Variants in ESS2 observed in about 807,000 individuals in gnomAD.
The protein encoded by ESS2 is splicing factor ESS-2 homolog.
Under a neutral mutation model 52.0 loss-of-function variants are expected in ESS2, and 31 were observed. The ratio of observed to expected loss-of-function variants is 0.60; its 90% CI spans 0.45 to 0.81. The LOEUF is 0.81. ESS2 is among the 30% of genes least tolerant of loss of function. ESS2 has a pLI of 0.00. For synonymous variants in ESS2, 285 were observed against 259.2 expected (o/e 1.10, Z -0.95); for missense variants, 602 against 637.2 (o/e 0.94, Z 0.59).
At chr22:19,137,758 T>C (rs1391447789) in intron 7 of ESS2, 1 of 985,266 alleles carries the variant, frequency 1.0e-6, no homozygotes, top group African/African-American at 1.7e-5. Flanking sequence ...GGCAAACCTG[T>C]GGTGCCTTCA....
In ESS2 at chr22:19,131,641, C is replaced by T. The variant is rs757072974; in HGVS notation, c.*2555G>A. ...ATCAAGACTTACGAGATCTTTGAGACCTCTGACGGACGGATCTACATCATC... is the reference window on the plus strand; with the variant it reads ...ATCAAGACTTACGAGATCTTTGAGATCTCTGACGGACGGATCTACATCATC... On this transcript the variant is annotated 3_prime_UTR_variant, in exon 10 of 10. Coordinates refer to ENST00000252137, the MANE Select transcript of ESS2 (RefSeq NM_022719.3). This position sits in a 1 kb window ranked among gnomAD's most constrained non-coding sequence, Gnocchi z 5.7. The T allele has an allele frequency of 6.2e-7, 1 of 1,614,096 alleles. No individual in the cohort carries two copies. Among genetic ancestry groups the T allele is most frequent in the Admixed American group, 1.7e-5 (1 of 60,010 alleles).
chr22:19,139,227 G>A lies in ESS2; in HGVS notation c.754C>T (p.Leu252Phe), dbSNP rs566826089. 6.2e-7 allele frequency: 1 copy of A among 1,608,932 alleles called. No homozygotes were observed. Among genetic ancestry groups the A allele is most frequent in the Admixed American group, 1.7e-5 (1 of 59,450 alleles). ...AGGGCTTGGCTGAAGGGGTCCCTAA[G>A]GAAGCGCGTGTTCTTATGTACCACC... ...RQVVHKNTRF[L>F]RDPFSQALSR... Residue 252 changes from leucine to phenylalanine, a missense_variant, in exon 6 of 10, where the codon CTT becomes TTT. By Grantham distance (22) the Leu-to-Phe change is conservative. Transcript: ENST00000252137.
intron 5 of ESS2, 80 bp from the exon 6 acceptor site, chr22:19,139,372 A>T: frequency 6.7e-7 from 1 of 1,492,248 alleles, no homozygotes; most frequent in Non-Finnish European, 8.9e-7. Flanking sequence ...TTCTCGGCCA[A>T]GTCACTCCCA....
rs745838136 is a variant in ESS2, at chr22:19,139,174, G to A, written c.807C>T (p.Ala269=). Residue 269 remains alanine (A), a synonymous_variant, in exon 6 of 10, where the codon GCC becomes GCT. Coordinates refer to ENST00000252137, the MANE Select transcript of ESS2 (RefSeq NM_022719.3). ...GCCTGCTCACCTGGGCATTGAGGGC[G>A]GCTGCCTGCTGGAGCTGGCACCTGC... ...ALSRCQLQQA[A]ALNAQHKQGK... 9.4e-6 allele frequency: 15 copies of A among 1,599,518 alleles called. No individual in the cohort carries two copies. Among genetic ancestry groups the A allele is most frequent in the Non-Finnish European group, 1.2e-5 (14 of 1,172,774 alleles).
intron 8 of ESS2, among the ~76,000 whole-genome samples, chr22:19,136,532 T>C (rs1436733741): frequency 6.6e-6 from 1 of 152,172 alleles, no homozygotes; most frequent in African/African-American, 2.4e-5. Context: ...TGAGTTGCCA[T>C]CTTTATCGGG....
intron 1 of ESS2, among the ~76,000 whole-genome samples, chr22:19,143,891 A>G (rs2146112371): frequency 6.6e-6 from 1 of 152,276 alleles, no homozygotes. Context: ...CTTTTTCCTG[A>G]GTAACTTCAG....
chr22:19,136,967 G>A (rs1041770203), intron 8 of ESS2, among the ~76,000 whole-genome samples: 8 of 152,130 alleles, frequency 5.3e-5, no homozygotes, highest in African/African-American at 1.9e-4. Flanking sequence ...ATCGTGTTCT[G>A]TAACCAGGGG....
rs966492476 is a variant in ESS2, at chr22:19,131,574, C to T, written c.*2622G>A. Reference sequence around the variant, plus strand: ...TGACTTTGTGGAGAGATTCCTTCCTCGGGAGATGGACATCCTGGCAACTGT... The same window carrying T: ...TGACTTTGTGGAGAGATTCCTTCCTTGGGAGATGGACATCCTGGCAACTGT... On this transcript the variant is annotated 3_prime_UTR_variant, in exon 10 of 10. Coordinates refer to ENST00000252137, the MANE Select transcript of ESS2 (RefSeq NM_022719.3). This position sits in a 1 kb window ranked among gnomAD's most constrained non-coding sequence, Gnocchi z 5.7. The T allele has an allele frequency of 3.1e-6, 5 of 1,614,004 alleles. No individual in the cohort carries two copies. In the African/African-American group the frequency reaches 4.0e-5, roughly 13 times the overall value.
chr22:19,142,985 T>A, intron 1 of ESS2, 91 bp from the exon 2 acceptor site: 3 of 1,291,448 alleles, frequency 2.3e-6, no homozygotes, highest in Non-Finnish European at 3.2e-6. Flanking sequence ...GGGAGGTGGA[T>A]CATGAGGTCA....
chr22:19,142,356 C>T (rs1300932669), intron 3 of ESS2, among the ~76,000 whole-genome samples, 182 bp downstream of exon 3: 1 of 152,226 alleles, frequency 6.6e-6, no homozygotes, highest in Non-Finnish European at 1.5e-5. Flanking sequence ...TGTGTGGGAG[C>T]TGGACCCAGA....
intron 9 of ESS2, among the ~76,000 whole-genome samples, chr22:19,134,762 G>A (rs2083552297): frequency 1.3e-5 from 2 of 152,150 alleles, no homozygotes; most frequent in Admixed American, 1.3e-4. Context: ...CAAGGGGAAC[G>A]ATGACTCTCT....
chr22:19,136,031 TAAAAAAAAAAAAA>T (rs377121962), intron 8 of ESS2, among the ~76,000 whole-genome samples: 1 of 92,544 alleles, frequency 1.1e-5, no homozygotes, highest in Non-Finnish European at 2.0e-5. Context: ...CCCTATCTGT[TAAAAAAAAAAAAA>T]AAAAAAAAAA....
At chr22:19,137,744 C>A in intron 7 of ESS2, 1 of 985,394 alleles carries the variant, frequency 1.0e-6, no homozygotes, top group Non-Finnish European at 1.2e-6. Context: ...CTCCTAGAAC[C>A]CCAGGCAAAC....
chr22:19,139,655 G>T lies in ESS2; in HGVS notation c.645C>A (p.Thr215=). 1 of 1,614,176 alleles carries T rather than the reference G, an allele frequency of 6.2e-7. No individual in the cohort carries two copies. Among genetic ancestry groups the T allele is most frequent in the Non-Finnish European group, 8.5e-7 (1 of 1,180,020 alleles). Residue 215 remains threonine, a synonymous_variant, in exon 5 of 10, where the codon ACC becomes ACA. Transcript: ENST00000252137. ...GGGAATTCTTGGCCTTGTACTTCCA[G>T]GTCTCCACACTGGCCTGGCTGCTCT... ...AIESSQASVE[T]WKYKAKNSLM...
At chr22:19,139,561 A>G in intron 5 of ESS2, 51 bp downstream of exon 5, 2 of 1,545,688 alleles carry the variant, frequency 1.3e-6, no homozygotes, top group Non-Finnish European at 8.9e-7. Context: ...AGCCAGACAC[A>G]CACAGCTCTA....
At chr22:19,137,509 C>T in intron 7 of ESS2, 77 bp from the exon 8 acceptor site, 1 of 1,166,578 alleles carries the variant, frequency 8.6e-7, no homozygotes, top group Non-Finnish European at 1.2e-6. Context: ...AGCTTGTTCA[C>T]CCAATGTGCA....
rs1031827454 is a variant in ESS2 at position 19,143,980 on chromosome 22, C to G, written c.135+526G>C. On this transcript the variant is annotated intron_variant, in intron 1 of 9. Coordinates refer to ENST00000252137, the MANE Select transcript of ESS2 (RefSeq NM_022719.3). The stretch of plus-strand genomic sequence containing the variant: ...GCTCCCGAGCTGCATATCTGGGCAC[C>G]CAACCGTCCGTTAAAGCCATCCATC... The G allele has an allele frequency of 1.0e-5, 10 of 967,718 alleles. No homozygotes were observed. In the East Asian group the frequency reaches 1.0e-3, roughly 100 times the overall value. The allele number at this position is 967,718 out of a possible 1,614,324, so 59.9% of individuals were successfully genotyped here. A position where few individuals can be genotyped will look rare whatever the true frequency, so the allele number is the denominator to read the frequency against.
rs1476042788 is a variant in ESS2, at chr22:19,142,853, C to T, written c.177G>A (p.Val59=). 10 of 1,614,086 alleles carry T rather than the reference C, an allele frequency of 6.2e-6. No homozygotes were observed. Among genetic ancestry groups the T allele is most frequent in the Non-Finnish European group, 8.5e-6 (10 of 1,180,028 alleles). ...ACTCCTTCTGTGCCTGGAGCTTCTC[C>T]ACATCAGGAAAGAAATCCCTTTGGA... The part of the protein sequence containing the change: ...TVIQRDFFPD[V]EKLQAQKEYL... The change falls in exon 2 of 10, where the codon GTG becomes GTA. Residue 59 remains valine (V), a synonymous_variant. Coordinates refer to ENST00000252137, the MANE Select transcript of ESS2 (RefSeq NM_022719.3).
chr22:19,144,346 T>C, intron 1 of ESS2, 160 bp downstream of exon 1: 2 of 1,440,738 alleles, frequency 1.4e-6, no homozygotes. Flanking sequence ...ACCACAGACG[T>C]CTTCCTCTGC....
Sources: gnomAD v4.1 joint callset for allele counts (sites outside exome capture counted in the v4.1 genomes callset) on GRCh38, gnomAD v4.1.1 for gene constraint, Gnocchi (gnomAD v3.1) non-coding constraint, MANE v1.5 for transcripts, NCBI Gene and HGNC (gene_info 2026-07-23, HGNC 2026-07-21) for gene names.